Variants in RNLS observed in about 807,000 individuals in gnomAD.
RNLS encodes renalase.
A neutral mutation model predicts 39.8 loss-of-function variants in RNLS; 39 were observed. The ratio of observed to expected loss-of-function variants is 0.98; its 90% CI spans 0.76 to 1.28. RNLS has a LOEUF of 1.28. Among genes scored for constraint, RNLS ranks in the 50% most tolerant of loss-of-function variants. RNLS has a pLI of 0.00. For synonymous variants in RNLS, 147 were observed against 150.7 expected, an observed-to-expected ratio of 0.98 and a Z score of 0.18; for missense variants, 410 against 413.3, an observed-to-expected ratio of 0.99 and a Z score of 0.07.
the RNLS span, among the ~76,000 whole-genome samples, chr10:88,189,943 A>G: frequency 6.6e-6 from 1 of 152,196 alleles, no homozygotes; most frequent in Non-Finnish European, 1.5e-5. Context: ...GTGCCCCTTC[A>G]GCATCCGCCC....
At chr10:88,339,841 T>G (rs979409759) in intron 5 of RNLS, among the ~76,000 whole-genome samples, 2 of 152,208 alleles carry the variant, frequency 1.3e-5, no homozygotes, top group Non-Finnish European at 2.9e-5. Context: ...CAAGTGAATA[T>G]GTATGTATGT....
At chr10:88,242,224 C>T in the RNLS span, among the ~76,000 whole-genome samples, 1 of 152,212 alleles carries the variant, frequency 6.6e-6, no homozygotes, top group Non-Finnish European at 1.5e-5. Flanking sequence ...ACTAAACTTA[C>T]TTTCCTCTTC....
intron 5 of RNLS, among the ~76,000 whole-genome samples, chr10:88,352,011 G>C (rs1461032126): frequency 6.6e-6 from 1 of 151,980 alleles, no homozygotes; most frequent in Non-Finnish European, 1.5e-5. Flanking sequence ...GTCTGTTATT[G>C]GTGTATAAGA....
intron 4 of RNLS, among the ~76,000 whole-genome samples, chr10:88,482,633 T>C (rs1454173497): frequency 6.6e-6 from 1 of 152,180 alleles, no homozygotes; most frequent in East Asian, 1.9e-4. Flanking sequence ...GAAGTCCTTG[T>C]CTACAAAATC....
At chr10:88,560,931 G>A (rs1357937887) in intron 4 of RNLS, among the ~76,000 whole-genome samples, 7 of 137,976 alleles carry the variant, frequency 5.1e-5, no homozygotes, top group Non-Finnish European at 1.1e-4. Flanking sequence ...GTTTGTAGAT[G>A]TTCAGAGATA....
At chr10:88,471,017 T>G (rs1843492613) in intron 4 of RNLS, among the ~76,000 whole-genome samples, 1 of 152,158 alleles carries the variant, frequency 6.6e-6, no homozygotes, top group Admixed American at 6.6e-5. Flanking sequence ...ATAAATTGTG[T>G]GGATGGAGTC....
chr10:88,322,836 G>A (rs905273048), intron 5 of RNLS, among the ~76,000 whole-genome samples: 25 of 152,236 alleles, frequency 1.6e-4, no homozygotes, highest in African/African-American at 3.6e-4. Flanking sequence ...AAAAGAAGAA[G>A]TAGAATTATC....
At chr10:88,214,161 T>C in the RNLS span, among the ~76,000 whole-genome samples, 2 of 152,200 alleles carry the variant, frequency 1.3e-5, no homozygotes, top group Non-Finnish European at 2.9e-5. Context: ...TTTCAGGTTC[T>C]GTTAAAAGAA....
chr10:88,461,150 T>C (rs1003963467), intron 4 of RNLS, among the ~76,000 whole-genome samples: 3 of 152,102 alleles, frequency 2.0e-5, no homozygotes, highest in Non-Finnish European at 4.4e-5. Flanking sequence ...TTTGGGGACA[T>C]GCAATGGCTA....
chr10:88,493,452 G>A (rs1844997335), intron 4 of RNLS, among the ~76,000 whole-genome samples: 1 of 151,804 alleles, frequency 6.6e-6, no homozygotes. Flanking sequence ...TTAATGAATA[G>A]CTACAATATG....
intron 4 of RNLS, among the ~76,000 whole-genome samples, chr10:88,368,582 G>A (rs945629418): frequency 5.9e-5 from 9 of 152,020 alleles, no homozygotes; most frequent in South Asian, 4.2e-4. Context: ...TGATCACATC[G>A]TACATATAAT....
chr10:88,212,765 G>A, the RNLS span, among the ~76,000 whole-genome samples: 4 of 152,222 alleles, frequency 2.6e-5, no homozygotes, highest in Non-Finnish European at 5.9e-5. Flanking sequence ...TAAGGACTAA[G>A]TTGTGGAATG....
chr10:88,525,312 ACTGGG>A (rs748539649), intron 4 of RNLS, among the ~76,000 whole-genome samples: 56 of 152,054 alleles, frequency 3.7e-4, no homozygotes, highest in Non-Finnish European at 7.8e-4. Flanking sequence ...TTATAAAGGC[ACTGGG>A]AAAGCCCTAT....
At chr10:88,377,253 C>T (rs1330589795) in intron 4 of RNLS, among the ~76,000 whole-genome samples, 1 of 144,074 alleles carries the variant, frequency 6.9e-6, no homozygotes, top group Non-Finnish European at 1.6e-5. Context: ...CACACACACA[C>T]ACACACGCAC....
intron 4 of RNLS, among the ~76,000 whole-genome samples, chr10:88,467,934 T>G (rs183560346): frequency 2.0e-5 from 3 of 152,214 alleles, no homozygotes; most frequent in African/African-American, 7.2e-5. Context: ...CATATTACAC[T>G]TTGGGAAGCA....
intron 4 of RNLS, among the ~76,000 whole-genome samples, chr10:88,560,965 CACACACACAT>C (rs113192132): frequency 7.9e-5 from 12 of 152,050 alleles, no homozygotes; most frequent in African/African-American, 2.9e-4. Context: ...CACACACACA[CACACACACAT>C]ACACACACAG....
chr10:88,522,454 T>C (rs1358415260), intron 4 of RNLS, among the ~76,000 whole-genome samples: 7 of 152,068 alleles, frequency 4.6e-5, no homozygotes. Context: ...AGGCCTGGTA[T>C]TGAGTGTCCA....
chr10:88,462,827 G>GA (rs35653600), intron 4 of RNLS, among the ~76,000 whole-genome samples: 50,031 of 149,600 alleles, frequency 0.33, 9,815 homozygotes, highest in African/African-American at 0.55. Context: ...TCCTGCTAAG[G>GA]AAAAAAAAAT....
intron 4 of RNLS, among the ~76,000 whole-genome samples, chr10:88,438,158 TG>T (rs1196758735): frequency 3.4e-5 from 5 of 148,078 alleles, no homozygotes; most frequent in Non-Finnish European, 7.4e-5. Context: ...CAGGAAAAGA[TG>T]GACCCATTCC....
Sources: gnomAD v4.1 joint callset for allele counts (sites outside exome capture counted in the v4.1 genomes callset) on GRCh38, gnomAD v4.1.1 for gene constraint, MANE v1.5 for transcripts, NCBI Gene and HGNC (gene_info 2026-07-23, HGNC 2026-07-21) for gene names.